The following TYRP1 variants were observed in gnomAD, a reference collection of about 807,000 sequenced individuals.
The protein encoded by TYRP1 is tyrosinase related protein 1, also known as 5,6-dihydroxyindole-2-carboxylic acid oxidase.
TYRP1 carries 49 observed loss-of-function variants against 42.8 expected under a neutral mutation model. That is an observed-to-expected ratio of 1.14 (90% CI 0.91 to 1.45). The LOEUF (loss-of-function observed/expected upper bound fraction) is 1.45. Ranked by LOEUF, TYRP1 falls within the 40% of genes most tolerant of loss-of-function variation. The pLI is 0.00. For synonymous variants in TYRP1, 279 were observed against 235.4 expected (o/e 1.19, Z -1.69); for missense variants, 848 against 662.0 (o/e 1.28, Z -3.08).
chr9:12,703,785 C>G (rs929681585), intron 5 of TYRP1, among the ~76,000 whole-genome samples: 1 of 151,650 alleles, frequency 6.6e-6, no homozygotes, highest in African/African-American at 2.4e-5. Flanking sequence ...GTCCTTCAAC[C>G]CAATTAGACA....
Position 12,704,559 on chromosome 9 carries a change from C to T in TYRP1, c.1115C>T (p.Ala372Val). 6.2e-7 allele frequency: 1 copy of T among 1,612,868 alleles called. No individual in the cohort carries two copies. The change falls in exon 6 of 8, where the codon GCT becomes GTT. Residue 372 changes from alanine (A) to valine (V), a missense_variant. Coordinates refer to ENST00000388918, the MANE Select transcript of TYRP1 (RefSeq NM_000550.3). ...YSDPTGKYDP[A>V]VRSLHNLAHL... ...GACCCCACGGGAAAGTATGACCCTG[C>T]TGTTCGAAGTCTTCACAATTTGGCT...
chr9:12,708,091 G>C lies in TYRP1; in HGVS notation c.1356G>C (p.Met452Ile). The C allele has an allele frequency of 6.2e-7, 1 of 1,612,830 alleles. No individual in the cohort carries two copies. Among genetic ancestry groups the C allele is most frequent in the Non-Finnish European group, 8.5e-7 (1 of 1,179,314 alleles). Reference protein sequence around the residue: ...PFWPPVTNTEMFVTAPDNLGY... With the variant: ...PFWPPVTNTEIFVTAPDNLGY... ...GGCCCCCAGTCACCAACACAGAAAT[G>C]TTTGTTACTGCTCCAGACAACCTGG... Residue 452 changes from methionine (M) to isoleucine (I), a missense_variant, in exon 7 of 8, where the codon ATG becomes ATC. Physicochemically the swap from Met to Ile is conservative, Grantham distance 10. Coordinates refer to ENST00000388918, the MANE Select transcript of TYRP1 (RefSeq NM_000550.3).
Position 12,698,432 on chromosome 9 carries a change from T to C in TYRP1, c.709-19T>C. On this transcript the variant is annotated intron_variant, in intron 3 of 7. Coordinates refer to ENST00000388918, the MANE Select transcript of TYRP1 (RefSeq NM_000550.3). ...TGTAAACAGAAGCAGAGAGTATTAA[T>C]GTGGTTTCTGTGATCTAGGAAATGT... The C allele has an allele frequency of 4.4e-6, 7 of 1,604,996 alleles. No homozygotes were observed. The highest frequency in any genetic ancestry group is 6.0e-6 in the Non-Finnish European group (7 of 1,171,920).
chr9:12,702,385 A>G lies in TYRP1; in HGVS notation c.1028A>G (p.Asp343Gly), dbSNP rs113146199. ...CAGTGCTTGGAAGTTGGTTTATTTG[A>G]CACGCCTCCTTTTTATTCCAACTCT... ...VAQCLEVGLF[D>G]TPPFYSNSTN... Residue 343 changes from aspartate to glycine, a missense_variant, in exon 5 of 8, where the codon GAC becomes GGC. Coordinates refer to ENST00000388918, the MANE Select transcript of TYRP1 (RefSeq NM_000550.3). The G allele has an allele frequency of 1.9e-6, 3 of 1,613,106 alleles. No homozygotes were observed. Among genetic ancestry groups the G allele is most frequent in the South Asian group, 1.1e-5 (1 of 91,060 alleles).
At chr9:12,698,680 G>A in intron 4 of TYRP1, 25 bp downstream of exon 4, 1 of 1,602,084 alleles carries the variant, frequency 6.2e-7, no homozygotes, top group Non-Finnish European at 8.6e-7. Context: ...ATAGCTTGGA[G>A]TCAGAATTTC....
At chr9:12,703,434 A>G (rs1028914882) in intron 5 of TYRP1, among the ~76,000 whole-genome samples, 6 of 151,900 alleles carry the variant, frequency 3.9e-5, no homozygotes, top group Non-Finnish European at 5.9e-5. Context: ...AAAAATCACT[A>G]TATTTTGGCT....
chr9:12,694,091 CT>C lies in TYRP1; in HGVS notation c.96del (p.Val33LeufsTer4). The C allele has an allele frequency of 6.2e-7, 1 of 1,614,056 alleles. No homozygotes were observed. The highest frequency in any genetic ancestry group is 8.5e-7 in the Non-Finnish European group (1 of 1,180,040). On this transcript the variant is annotated frameshift_variant, in exon 2 of 8. Coordinates refer to ENST00000388918, the MANE Select transcript of TYRP1 (RefSeq NM_000550.3). LOFTEE classifies it high-confidence loss of function. ...ARAQFPRQCA[T>X]VEALRSGMCC... ...GCTCAATTCCCAAGACAGTGTGCCA[CT>C]GTTGAGGCTTTGAGAAGTGGTATGT...
rs2118259182 is a variant in TYRP1 at position 12,704,647 on chromosome 9, C to T, written c.1203C>T (p.Val401=). Residue 401 remains valine (V), a synonymous_variant, in exon 6 of 8, where the codon GTC becomes GTT. Transcript: ENST00000388918. Reference sequence around the variant, plus strand: ...TGTCTCCAAATGATCCTATTTTTGTCCTCCTGCACACCTTCACAGATGCAG... The same window carrying T: ...TGTCTCCAAATGATCCTATTTTTGTTCTCCTGCACACCTTCACAGATGCAG... ...THLSPNDPIF[V]LLHTFTDAVF... is the part of the protein sequence containing the mutation. 6.2e-7 allele frequency: 1 copy of T among 1,613,126 alleles called. No homozygotes were observed. The highest frequency in any genetic ancestry group is 2.2e-5 in the East Asian group (1 of 44,818).
intron 7 of TYRP1, among the ~76,000 whole-genome samples, chr9:12,708,349 C>T (rs1818295417): frequency 6.6e-6 from 1 of 151,904 alleles, no homozygotes; most frequent in Non-Finnish European, 1.5e-5. Context: ...TTGTACAGCA[C>T]CCTATCTCAT....
chr9:12,700,375 C>T (rs560440534), intron 4 of TYRP1: 6 of 152,158 alleles, frequency 3.9e-5, no homozygotes, highest in African/African-American at 1.2e-4. Context: ...AAAATTAATG[C>T]GCCAAACTTG....
intron 5 of TYRP1, among the ~76,000 whole-genome samples, chr9:12,703,326 C>T (rs150582558): frequency 8.2e-4 from 125 of 151,958 alleles, no homozygotes; most frequent in Middle Eastern, 3.4e-3. Context: ...ATTTTTAATT[C>T]TCTCACCTTT....
chr9:12,704,820 GCATAGCTGTAA>G, intron 6 of TYRP1, 115 bp downstream of exon 6: 1 of 1,035,650 alleles, frequency 9.7e-7, no homozygotes, highest in African/African-American at 1.5e-5. Context: ...AATAAGGATA[GCATAGCTGTAA>G]TATCAAGTCA....
intron 6 of TYRP1, among the ~76,000 whole-genome samples, chr9:12,706,388 A>G (rs185734484): frequency 1.3e-5 from 2 of 152,152 alleles, no homozygotes; most frequent in African/African-American, 4.8e-5. Flanking sequence ...CTGAAAATAT[A>G]ATTATTTCAC....
Position 12,702,392 on chromosome 9 carries a change from T to A in TYRP1, c.1035T>A (p.Pro345=). The stretch of plus-strand genomic sequence containing the variant: ...TGGAAGTTGGTTTATTTGACACGCC[T>A]CCTTTTTATTCCAACTCTACAAACA... ...QCLEVGLFDT[P]PFYSNSTNSF... The change falls in exon 5 of 8, where the codon CCT becomes CCA. Residue 345 remains proline (P), a synonymous_variant. Coordinates refer to ENST00000388918, the MANE Select transcript of TYRP1 (RefSeq NM_000550.3). 3 of 1,613,040 alleles carry A rather than the reference T, an allele frequency of 1.9e-6. No individual in the cohort carries two copies. The highest frequency in any genetic ancestry group is 2.5e-6 in the Non-Finnish European group (3 of 1,179,408).
In TYRP1 at chr9:12,695,680, T is replaced by C. The variant is rs765163015; in HGVS notation, c.551T>C (p.Ile184Thr). The change falls in exon 3 of 8, where the codon ATT becomes ACT. Residue 184 changes from isoleucine to threonine, a missense_variant. Coordinates refer to ENST00000388918, the MANE Select transcript of TYRP1 (RefSeq NM_000550.3). ...ACGCCACAATTTGAGAACATTTCCA[T>C]TTATAACTACTTTGTTTGGACACAC... Reference protein sequence around the residue: ...GNTPQFENISIYNYFVWTHYY... With the variant: ...GNTPQFENISTYNYFVWTHYY... 6.8e-6 allele frequency: 11 copies of C among 1,614,186 alleles called. No individual in the cohort carries two copies. The East Asian group carries it at 2.2e-4, about 33-fold the overall frequency.
chr9:12,706,180 C>G (rs147875580), intron 6 of TYRP1, among the ~76,000 whole-genome samples: 1 of 152,092 alleles, frequency 6.6e-6, no homozygotes, highest in East Asian at 1.9e-4. Context: ...ACAAAACCAG[C>G]TTTTGTTAAA....
At chr9:12,694,651 C>G (rs10960755) in intron 2 of TYRP1, among the ~76,000 whole-genome samples, 1 of 152,198 alleles carries the variant, frequency 6.6e-6, no homozygotes, top group East Asian at 1.9e-4. Flanking sequence ...GGTATTATGA[C>G]TAGTCAATTC....
intron 4 of TYRP1, 83 bp downstream of exon 4, chr9:12,698,738 T>A: frequency 1.6e-6 from 2 of 1,285,826 alleles, no homozygotes; most frequent in Non-Finnish European, 2.2e-6. Flanking sequence ...CCCTTCATTC[T>A]ACTAGAGAAT....
rs945515969 is a variant in TYRP1, at chr9:12,696,258, C to T, written c.708+421C>T. On this transcript the variant is annotated intron_variant, in intron 3 of 7. Coordinates refer to ENST00000388918, the MANE Select transcript of TYRP1 (RefSeq NM_000550.3). Reference sequence around the variant, plus strand: ...AATCTTTCCAGTCCTAAATGTATATCTCATCATTCCAGCGATGATTCCCTC... The same window carrying T: ...AATCTTTCCAGTCCTAAATGTATATTTCATCATTCCAGCGATGATTCCCTC... 2.6e-5 allele frequency among the ~76,000 whole-genome samples: 4 copies of T among 152,216 alleles called. No individual in the cohort carries two copies. The South Asian group carries it at 6.2e-4, about 24-fold the overall frequency.
Sources: allele counts gnomAD v4.1 joint callset (sites outside exome capture counted in the v4.1 genomes callset), GRCh38; gene constraint gnomAD v4.1.1; transcripts MANE v1.5; gene names NCBI Gene and HGNC (gene_info 2026-07-23, HGNC 2026-07-21).